CNBD1: variants seen among roughly 807,000 people sequenced by gnomAD.
The protein encoded by CNBD1 is cyclic nucleotide-binding domain-containing protein 1.
A neutral mutation model predicts 54.4 loss-of-function variants in CNBD1; 71 were observed. The observed-to-expected ratio is 1.30, with a 90% confidence interval of 1.08 to 1.59. The LOEUF (loss-of-function observed/expected upper bound fraction) is 1.59. Among genes scored for constraint, CNBD1 ranks in the 40% most tolerant of loss-of-function variants. The pLI, the probability that CNBD1 is intolerant of heterozygous loss-of-function variation, is 0.00. For synonymous variants in CNBD1, 182 were observed against 170.7 expected (o/e 1.07, Z -0.51); for missense variants, 659 against 518.0 (o/e 1.27, Z -2.64).
At chr8:86,910,759 T>C (rs1391250741) in intron 3 of CNBD1, among the ~76,000 whole-genome samples, 2 of 152,132 alleles carry the variant, frequency 1.3e-5, no homozygotes, top group African/African-American at 4.8e-5. Flanking sequence ...CACGGAAAAC[T>C]AGGACGTGGA....
At chr8:87,290,981 T>C (rs894109144) in intron 8 of CNBD1, among the ~76,000 whole-genome samples, 2 of 152,172 alleles carry the variant, frequency 1.3e-5, no homozygotes, top group African/African-American at 4.8e-5. Context: ...TGTCACATAC[T>C]TTATAGCCCT....
At chr8:87,119,493 AT>A (rs942971831) in intron 4 of CNBD1, among the ~76,000 whole-genome samples, 2 of 151,908 alleles carry the variant, frequency 1.3e-5, no homozygotes, top group Admixed American at 1.3e-4. Context: ...GAGTCTTTGG[AT>A]TTTTGTAGAT....
chr8:87,406,040 T>C (rs6996182), intron 2 of CNBD1, among the ~76,000 whole-genome samples: 85,980 of 151,900 alleles, frequency 0.57, 25,839 homozygotes, highest in African/African-American at 0.77. Flanking sequence ...GAAGCAGAGC[T>C]TGTTCTTAAA....
chr8:87,423,911 T>C, intron 2 of CNBD1, among the ~76,000 whole-genome samples: 1 of 152,214 alleles, frequency 6.6e-6, no homozygotes, highest in East Asian at 1.9e-4. Flanking sequence ...AGTCCTGGAC[T>C]CTTTTTGGTT....
intron 6 of CNBD1, among the ~76,000 whole-genome samples, chr8:87,256,635 C>T (rs908045207): frequency 7.6e-6 from 1 of 132,306 alleles, no homozygotes; most frequent in African/African-American, 3.0e-5. Flanking sequence ...AATTCTCTCT[C>T]CCCATATCTA....
At chr8:87,096,820 C>G (rs1298333263) in intron 4 of CNBD1, among the ~76,000 whole-genome samples, 1 of 147,074 alleles carries the variant, frequency 6.8e-6, no homozygotes, top group East Asian at 2.0e-4. Context: ...TTTTTTTTAC[C>G]TTTTCCTCTC....
intron 4 of CNBD1, among the ~76,000 whole-genome samples, chr8:87,085,609 G>A (rs1811080742): frequency 6.6e-6 from 1 of 152,108 alleles, no homozygotes; most frequent in South Asian, 2.1e-4. Flanking sequence ...TACTTAGAGT[G>A]GCAGCTGAGT....
chr8:87,265,215 A>G (rs1808226725), intron 6 of CNBD1, among the ~76,000 whole-genome samples: 1 of 152,270 alleles, frequency 6.6e-6, no homozygotes, highest in East Asian at 1.9e-4. Flanking sequence ...AGCTTTCTAC[A>G]TATGGCTAGC....
chr8:86,964,645 C>T (rs1480494410), intron 4 of CNBD1, among the ~76,000 whole-genome samples: 2 of 152,194 alleles, frequency 1.3e-5, no homozygotes, highest in Non-Finnish European at 2.9e-5. Context: ...GTTTACCACA[C>T]ATCTGTTGTA....
intron 8 of CNBD1, among the ~76,000 whole-genome samples, chr8:87,297,407 T>C (rs1255772443): frequency 6.6e-6 from 1 of 152,000 alleles, no homozygotes. Context: ...GGCTACCCTA[T>C]GGGATAGCAC....
At chr8:87,152,500 G>C (rs1812626266) in intron 4 of CNBD1, among the ~76,000 whole-genome samples, 1 of 151,040 alleles carries the variant, frequency 6.6e-6, no homozygotes, top group South Asian at 2.1e-4. Flanking sequence ...TTACAAATTT[G>C]TGTTGGGCCA....
chr8:87,087,286 T>TATA (rs1811119121), intron 4 of CNBD1, among the ~76,000 whole-genome samples: 1 of 145,402 alleles, frequency 6.9e-6, no homozygotes, highest in South Asian at 2.1e-4. Flanking sequence ...TATATATATA[T>TATA]ATATATTTTT....
At chr8:87,183,288 T>G (rs1351623287) in intron 4 of CNBD1, among the ~76,000 whole-genome samples, 2 of 152,090 alleles carry the variant, frequency 1.3e-5, no homozygotes, top group Non-Finnish European at 2.9e-5. Context: ...TACCATGCTG[T>G]TTTGGTTGCT....
At chr8:87,145,562 G>C (rs1342485197) in intron 4 of CNBD1, among the ~76,000 whole-genome samples, 1 of 152,000 alleles carries the variant, frequency 6.6e-6, no homozygotes, top group Non-Finnish European at 1.5e-5. Flanking sequence ...ATAAGTATGA[G>C]AACAATTATT....
intron 8 of CNBD1, among the ~76,000 whole-genome samples, chr8:87,299,487 T>C (rs996638956): frequency 2.0e-5 from 3 of 152,248 alleles, no homozygotes; most frequent in South Asian, 2.1e-4. Context: ...CCTGTTCACA[T>C]AGATCTTCCT....
chr8:86,933,617 G>T (rs1227559186), intron 3 of CNBD1, among the ~76,000 whole-genome samples: 2 of 152,020 alleles, frequency 1.3e-5, no homozygotes, highest in Non-Finnish European at 1.5e-5. Flanking sequence ...TCAGGATAAT[G>T]GTTACTTATC....
chr8:87,360,842 A>C (rs986535008), intron 10 of CNBD1, among the ~76,000 whole-genome samples: 5 of 151,938 alleles, frequency 3.3e-5, no homozygotes, highest in African/African-American at 1.2e-4. Flanking sequence ...TTTAAAAAGG[A>C]AGAATGCCTA....
At chr8:87,415,378 G>T (rs1807818399) in intron 2 of CNBD1, among the ~76,000 whole-genome samples, 1 of 151,920 alleles carries the variant, frequency 6.6e-6, no homozygotes, top group African/African-American at 2.4e-5. Flanking sequence ...GAATGTTTTG[G>T]GTTCATAGGT....
chr8:87,319,017 A>G (rs1809462097), intron 8 of CNBD1, among the ~76,000 whole-genome samples: 1 of 152,118 alleles, frequency 6.6e-6, no homozygotes, highest in Admixed American at 6.6e-5. Context: ...AAGAAGAGTA[A>G]ATAAAATCAT....
Sources: gnomAD v4.1 joint callset for allele counts (sites outside exome capture counted in the v4.1 genomes callset) on GRCh38, gnomAD v4.1.1 for gene constraint, MANE v1.5 for transcripts, NCBI Gene and HGNC (gene_info 2026-07-23, HGNC 2026-07-21) for gene names.